Variants in KLHL29 observed in about 807,000 individuals in gnomAD.
KLHL29 encodes the protein kelch like family member 29, also known as kelch-like protein 29.
A neutral mutation model predicts 80.4 loss-of-function variants in KLHL29; 21 were observed. That is an observed-to-expected ratio of 0.26 (90% CI 0.19 to 0.38). The LOEUF is 0.38. Among genes scored for constraint, KLHL29 ranks in the 10% least tolerant of loss-of-function variants. The pLI, the probability that KLHL29 is intolerant of heterozygous loss-of-function variation, is 1.00. For missense variants in KLHL29, 867 were observed against 1,223.9 expected (o/e 0.71, Z 4.35); for synonymous variants, 511 against 526.8 (o/e 0.97, Z 0.41).
At chr2:23,440,333 T>C (rs1663478975) in intron 1 of KLHL29, among the ~76,000 whole-genome samples, 2 of 151,708 alleles carry the variant, frequency 1.3e-5, no homozygotes, top group Admixed American at 1.3e-4. Flanking sequence ...TAATTCAAGA[T>C]GGATTAAAGA....
At chr2:23,644,104 G>A (rs1669853218) in intron 5 of KLHL29, 1 of 152,144 alleles carries the variant, frequency 6.6e-6, no homozygotes, top group African/African-American at 2.4e-5. Context: ...TTCCCAATCT[G>A]ACTGAGCCCT....
chr2:23,653,297 C>T (rs1312882524), intron 5 of KLHL29, among the ~76,000 whole-genome samples: 1 of 152,206 alleles, frequency 6.6e-6, no homozygotes, highest in Non-Finnish European at 1.5e-5. Flanking sequence ...CACCCCTATT[C>T]CATGGTGCCC....
intron 3 of KLHL29, among the ~76,000 whole-genome samples, chr2:23,613,996 CAAGGAATTTCCTTGTGGACA>C (rs1218273665): frequency 1.3e-5 from 2 of 152,140 alleles, no homozygotes; most frequent in African/African-American, 4.8e-5. Context: ...ACCTCCCTCA[CAAGGAATTTCCTTGTGGACA>C]AAGGACAGAT....
chr2:23,658,735 TCA>T (rs924616124), intron 5 of KLHL29, among the ~76,000 whole-genome samples: 44 of 152,186 alleles, frequency 2.9e-4, no homozygotes, highest in African/African-American at 1.1e-3. Context: ...GCAGAGGAAC[TCA>T]CACTGACATG....
chr2:23,464,282 C>T (rs982093741), intron 1 of KLHL29, among the ~76,000 whole-genome samples: 1 of 152,094 alleles, frequency 6.6e-6, no homozygotes, highest in African/African-American at 2.4e-5. Context: ...TCTGCAAGCC[C>T]GGAGCCCCCG....
intron 1 of KLHL29, among the ~76,000 whole-genome samples, chr2:23,438,377 C>T (rs941373840): frequency 6.9e-6 from 1 of 144,066 alleles, no homozygotes; most frequent in Non-Finnish European, 1.5e-5. Flanking sequence ...GAGGGCATCC[C>T]TGTCTTGTGC....
Position 23,642,740 on chromosome 2 carries a change from G to T in KLHL29, c.830G>T (p.Gly277Val). ...CAGCCGTCCGCCACTCTCCCCAGTG[G>T]TGCCCCTGCCACCAATGGGCCCCCC... ...PAQPSATLPS[G>V]APATNGPPTT... Residue 277 changes from glycine to valine, a missense_variant, in exon 5 of 14, where the codon GGT (glycine) becomes GTT (valine). By Grantham distance (109) the Gly-to-Val change is moderately radical (BLOSUM62 -3). This residue lies in a region of KLHL29 where 424 missense variants were observed against 456.9 expected (regional missense o/e 0.93). Coordinates refer to ENST00000486442, the MANE Select transcript of KLHL29 (RefSeq NM_052920.2). 2 of 1,550,134 alleles carry T rather than the reference G, an allele frequency of 1.3e-6. No homozygotes were observed. The highest frequency in any genetic ancestry group is 2.4e-5 in the South Asian group (2 of 84,018).
intron 1 of KLHL29, among the ~76,000 whole-genome samples, chr2:23,403,144 C>T (rs921244527): frequency 9.2e-5 from 14 of 151,900 alleles, no homozygotes; most frequent in South Asian, 2.1e-4. Context: ...AAATAATAAG[C>T]GTATTTTTCA....
At chr2:23,573,114 C>T (rs540562055) in intron 3 of KLHL29, among the ~76,000 whole-genome samples, 10 of 152,182 alleles carry the variant, frequency 6.6e-5, no homozygotes, top group African/African-American at 1.4e-4. Context: ...GTGTCGGGGG[C>T]GCAGATTTTA....
At chr2:23,427,620 T>C (rs558821174) in intron 1 of KLHL29, among the ~76,000 whole-genome samples, 21 of 152,302 alleles carry the variant, frequency 1.4e-4, no homozygotes, top group Non-Finnish European at 2.8e-4. Flanking sequence ...TTAAAATGGC[T>C]TTGAGGGAGA....
intron 6 of KLHL29, among the ~76,000 whole-genome samples, chr2:23,686,007 G>C (rs1319112050): frequency 6.6e-6 from 1 of 152,230 alleles, no homozygotes; most frequent in East Asian, 1.9e-4. Context: ...GGCTTTCAGA[G>C]ACCGCACATT....
chr2:23,536,513 A>G lies in KLHL29; in HGVS notation c.-45-25639A>G, dbSNP rs567491465. Among the ~76,000 whole-genome samples, 3 of 152,318 alleles carry G rather than the reference A, an allele frequency of 2.0e-5. No individual in the cohort carries two copies. In the South Asian group the frequency reaches 6.2e-4, roughly 32 times the overall value. ...CTCTCCCCGTTTTGCCTCAGGGACC[A>G]TTTTTGATTTGTTCTTTGAATGGCA... is the stretch of plus-strand genomic sequence containing the variant. On this transcript the variant is annotated intron_variant, in intron 2 of 13. Coordinates refer to ENST00000486442, the MANE Select transcript of KLHL29 (RefSeq NM_052920.2).
chr2:23,585,985 T>G (rs1269714562), intron 3 of KLHL29, among the ~76,000 whole-genome samples: 1 of 152,122 alleles, frequency 6.6e-6, no homozygotes, highest in African/African-American at 2.4e-5. Flanking sequence ...TGATGGGCTT[T>G]TTTCATTCCC....
intron 2 of KLHL29, among the ~76,000 whole-genome samples, chr2:23,514,748 C>T (rs1665871953): frequency 3.3e-5 from 5 of 152,184 alleles, no homozygotes; most frequent in Admixed American, 3.3e-4. Flanking sequence ...TAATTCAAAA[C>T]CTCTGGACTC....
Position 23,598,891 on chromosome 2 carries a change from T to G in KLHL29, c.285+36410T>G, listed in dbSNP as rs555791674. ...CCCCAAGTCATAGGGGTGGCCCTCTTCGGCCCCAGAAGGCTGGGGGTAGAG... is the reference window on the plus strand; with the variant it reads ...CCCCAAGTCATAGGGGTGGCCCTCTGCGGCCCCAGAAGGCTGGGGGTAGAG... On this transcript the variant is annotated intron_variant, in intron 3 of 13. Coordinates refer to ENST00000486442, the MANE Select transcript of KLHL29 (RefSeq NM_052920.2). Among the ~76,000 whole-genome samples the G allele has an allele frequency of 5.9e-5, 9 of 152,308 alleles. No homozygotes were observed. In the South Asian group the frequency reaches 1.9e-3, roughly 32 times the overall value.
At chr2:23,482,299 T>G (rs747593930) in intron 2 of KLHL29, among the ~76,000 whole-genome samples, 3 of 152,234 alleles carry the variant, frequency 2.0e-5, no homozygotes, top group Non-Finnish European at 4.4e-5. Flanking sequence ...TCAGAGTTTA[T>G]TTTTACGGCA....
At chr2:23,560,877 G>T (rs1160184437) in intron 2 of KLHL29, among the ~76,000 whole-genome samples, 1 of 152,246 alleles carries the variant, frequency 6.6e-6, no homozygotes, top group Non-Finnish European at 1.5e-5. Flanking sequence ...TGCAAAGTCT[G>T]CAGTAAGAAC....
chr2:23,390,547 C>A (rs753285299), intron 1 of KLHL29, among the ~76,000 whole-genome samples: 3 of 151,206 alleles, frequency 2.0e-5, no homozygotes, highest in Non-Finnish European at 2.9e-5. Context: ...GATAATCACA[C>A]ATATATATAC....
At chr2:23,573,780 C>T (rs937675460) in intron 3 of KLHL29, among the ~76,000 whole-genome samples, 2 of 152,334 alleles carry the variant, frequency 1.3e-5, no homozygotes, top group South Asian at 2.1e-4. Flanking sequence ...GATAGCACTC[C>T]GGTGCATGAT....
Sources: allele counts gnomAD v4.1 joint callset (sites outside exome capture counted in the v4.1 genomes callset), GRCh38; gene constraint gnomAD v4.1.1; regional missense constraint gnomAD v4.1.1; transcripts MANE v1.5; gene names NCBI Gene and HGNC (gene_info 2026-07-23, HGNC 2026-07-21).